NFIB: variants seen among roughly 807,000 people sequenced by gnomAD.
NFIB encodes the protein nuclear factor I B, also known as nuclear factor 1 B-type.
Under a neutral mutation model 61.5 loss-of-function variants are expected in NFIB, and 11 were observed. That is an observed-to-expected ratio of 0.18 (90% CI 0.11 to 0.30). The LOEUF (loss-of-function observed/expected upper bound fraction) is 0.30, where lower values mean the gene tolerates loss of function less well. Ranked by LOEUF, NFIB falls within the 10% of genes least tolerant of loss-of-function variation. NFIB has a pLI of 1.00. For synonymous variants in NFIB, 260 were observed against 216.5 expected (o/e 1.20, Z -1.76); for missense variants, 471 against 608.9 (o/e 0.77, Z 2.38).
Position 14,088,171 on chromosome 9 carries a change from A to T in NFIB, c.*138T>A. On this transcript the variant is annotated 3_prime_UTR_variant, in exon 11 of 11. Transcript: ENST00000380953. ...TTTTTATTTAAAAAAAAAATTTCTT[A>T]AACTATTGTTGTGTTTCTTTTTCCC... is the stretch of plus-strand genomic sequence containing the variant. The T allele has an allele frequency of 2.1e-6, 3 of 1,424,540 alleles. No homozygotes were observed. The highest frequency in any genetic ancestry group is 2.8e-6 in the Non-Finnish European group (3 of 1,078,048). 88.2% of individuals were successfully genotyped at this position (1,424,540 alleles called of 1,614,324 possible). A position where few individuals can be genotyped will look rare whatever the true frequency, so the allele number is the denominator to read the frequency against.
At chr9:14,248,075 G>C (rs981458388) in intron 2 of NFIB, among the ~76,000 whole-genome samples, 3 of 151,536 alleles carry the variant, frequency 2.0e-5, no homozygotes, top group African/African-American at 7.3e-5. Flanking sequence ...TGGGACTAAA[G>C]GCATGCACCA....
Position 14,339,602 on chromosome 9 carries a change from T to C in NFIB, c.109-32082A>G, listed in dbSNP as rs1366042855. On this transcript the variant is annotated intron_variant, in intron 1 of 8. Coordinates refer to the NFIB transcript ENST00000380934. ...TACCATCTGCAAATATCATTAGCTATTGTTTATTCCCTCTCCCACACTATT... is the reference window on the plus strand; with the variant it reads ...TACCATCTGCAAATATCATTAGCTACTGTTTATTCCCTCTCCCACACTATT... Among the ~76,000 whole-genome samples, 12 of 152,330 alleles carry C rather than the reference T, an allele frequency of 7.9e-5. No individual in the cohort carries two copies. The East Asian group carries it at 2.1e-3, about 27-fold the overall frequency.
chr9:14,354,998 T>C (rs912276543), intron 1 of NFIB, among the ~76,000 whole-genome samples: 13 of 151,990 alleles, frequency 8.6e-5, no homozygotes, highest in African/African-American at 1.5e-4. Context: ...ACAAATGAGA[T>C]GACCTATAGC....
intron 2 of NFIB, among the ~76,000 whole-genome samples, chr9:14,281,253 T>C (rs762647442): frequency 6.6e-6 from 1 of 152,186 alleles, no homozygotes; most frequent in Non-Finnish European, 1.5e-5. Flanking sequence ...ATGGGTTCCA[T>C]AGAGCATGAA....
At chr9:14,469,044 C>T in the NFIB span, among the ~76,000 whole-genome samples, 2 of 152,252 alleles carry the variant, frequency 1.3e-5, no homozygotes, top group South Asian at 4.2e-4. Context: ...ATGCCCACTT[C>T]GATTCCACAC....
At chr9:14,250,744 A>C (rs1415167987) in intron 2 of NFIB, among the ~76,000 whole-genome samples, 1 of 152,232 alleles carries the variant, frequency 6.6e-6, no homozygotes, top group Non-Finnish European at 1.5e-5. Flanking sequence ...TGTCAATTAT[A>C]TTTTATTTTA....
At chr9:14,280,658 C>G (rs2058311154) in intron 2 of NFIB, among the ~76,000 whole-genome samples, 1 of 152,130 alleles carries the variant, frequency 6.6e-6, no homozygotes. Context: ...CCACAGGAGA[C>G]AACGTTAGGC....
the NFIB span, among the ~76,000 whole-genome samples, chr9:14,496,537 G>A: frequency 6.6e-6 from 1 of 152,184 alleles, no homozygotes; most frequent in Non-Finnish European, 1.5e-5. Flanking sequence ...ACCTACAAGA[G>A]CCTCATCTTC....
chr9:14,343,835 G>T (rs1342274801), intron 1 of NFIB, among the ~76,000 whole-genome samples: 4 of 86,624 alleles, frequency 4.6e-5, no homozygotes, highest in African/African-American at 1.7e-4. Context: ...GGGGGGGTCG[G>T]GGGGGGAAGT....
chr9:14,263,953 T>G (rs1382341301), intron 2 of NFIB, among the ~76,000 whole-genome samples: 2 of 152,188 alleles, frequency 1.3e-5, no homozygotes, highest in Non-Finnish European at 2.9e-5. Flanking sequence ...CCTGAAAAAG[T>G]TCCCAGTTTA....
At chr9:14,194,338 A>T (rs2048263199) in intron 2 of NFIB, among the ~76,000 whole-genome samples, 1 of 152,218 alleles carries the variant, frequency 6.6e-6, no homozygotes, top group Non-Finnish European at 1.5e-5. Context: ...AATCTCCATA[A>T]ATATGACAGC....
At chr9:14,273,029 G>T (rs758387015) in intron 2 of NFIB, among the ~76,000 whole-genome samples, 1 of 152,232 alleles carries the variant, frequency 6.6e-6, no homozygotes, top group Admixed American at 6.5e-5. Flanking sequence ...AGATTATATT[G>T]AGAGTGTCAG....
chr9:14,310,253 C>T (rs1342969095), intron 1 of NFIB, among the ~76,000 whole-genome samples: 6 of 152,178 alleles, frequency 3.9e-5, no homozygotes, highest in Admixed American at 1.3e-4. Context: ...TTAAAACATG[C>T]TCTTTTTTTT....
chr9:14,138,781 A>C (rs1586953557), intron 6 of NFIB, among the ~76,000 whole-genome samples: 2 of 152,174 alleles, frequency 1.3e-5, no homozygotes, highest in African/African-American at 4.8e-5. Flanking sequence ...GTGCTTAAAC[A>C]TTCATTTCAA....
At chr9:14,424,487 C>T in the NFIB span, among the ~76,000 whole-genome samples, 1 of 152,198 alleles carries the variant, frequency 6.6e-6, no homozygotes, top group Non-Finnish European at 1.5e-5. Context: ...TAAACTTATT[C>T]GAGCTTGAAA....
chr9:14,495,464 T>TTTTTTTTTTTTTTTA, the NFIB span, among the ~76,000 whole-genome samples: 1 of 149,846 alleles, frequency 6.7e-6, no homozygotes, highest in Non-Finnish European at 1.5e-5. Context: ...TTTTTTTTTT[T>TTTTTTTTTTTTTTTA]GTCTGAGAGA....
chr9:14,314,271 G>T (rs2060436153), upstream of NFIB: 1 of 560,910 alleles, frequency 1.8e-6, no homozygotes, highest in Non-Finnish European at 2.3e-6. Flanking sequence ...CTCGCGGCGC[G>T]TGGTCCCCGG....
chr9:14,201,188 C>T (rs2048991643), intron 2 of NFIB, among the ~76,000 whole-genome samples: 1 of 152,180 alleles, frequency 6.6e-6, no homozygotes, highest in South Asian at 2.1e-4. Context: ...CAGACTCCAT[C>T]CTCTGCATAG....
intron 2 of NFIB, among the ~76,000 whole-genome samples, chr9:14,287,362 C>CA (rs2058779528): frequency 4.8e-4 from 16 of 33,590 alleles, no homozygotes; most frequent in South Asian, 2.6e-3. Context: ...ACCCGGGAGG[C>CA]GGCTTGCAGT....
Sources: allele counts gnomAD v4.1 joint callset (sites outside exome capture counted in the v4.1 genomes callset), GRCh38; gene constraint gnomAD v4.1.1; transcripts MANE v1.5; gene names NCBI Gene and HGNC (gene_info 2026-07-23, HGNC 2026-07-21).